The following GPHN variants were observed in gnomAD, a reference collection of about 807,000 sequenced individuals.
GPHN encodes gephyrin.
A neutral mutation model predicts 95.5 loss-of-function variants in GPHN; 17 were observed. The ratio of observed to expected loss-of-function variants is 0.18; its 90% CI spans 0.12 to 0.27. The LOEUF (loss-of-function observed/expected upper bound fraction) is 0.27. Ranked by LOEUF, GPHN falls within the 10% of genes least tolerant of loss-of-function variation. The probability of loss-of-function intolerance (pLI) is 1.00; values close to 1 mark genes in which losing one functional copy is unlikely to be tolerated. For synonymous variants in GPHN, 320 were observed against 322.5 expected (o/e 0.99, Z 0.08); for missense variants, 660 against 978.1 (o/e 0.67, Z 4.34).
intron 1 of GPHN, among the ~76,000 whole-genome samples, chr14:66,595,451 A>C (rs116108652): frequency 6.6e-6 from 1 of 151,992 alleles, no homozygotes; most frequent in Non-Finnish European, 1.5e-5. Context: ...TGTTCTGCCT[A>C]CTCTGCCTGG....
chr14:67,537,071 C>T, the GPHN span, among the ~76,000 whole-genome samples: 2 of 143,500 alleles, frequency 1.4e-5, no homozygotes, highest in Admixed American at 1.4e-4. Flanking sequence ...AAAACTTAAT[C>T]TTAGGCTGGG....
rs2064475026 is a variant in GPHN, at chr14:66,891,148, T to G, written c.389+11115T>G. 2.0e-5 allele frequency among the ~76,000 whole-genome samples: 3 copies of G among 152,066 alleles called. No individual in the cohort carries two copies. In the South Asian group the frequency reaches 6.2e-4, roughly 32 times the overall value. On this transcript the variant is annotated intron_variant, in intron 5 of 22. Coordinates refer to ENST00000478722, the MANE Select transcript of GPHN (RefSeq NM_020806.5). ...AAAGGAAGAAGTAAACCTATCTTTTTTTTTTTGACATGATTATATATGTAG... is the reference window on the plus strand; with the variant it reads ...AAAGGAAGAAGTAAACCTATCTTTTGTTTTTTGACATGATTATATATGTAG...
chr14:67,513,698 A>T, the GPHN span, among the ~76,000 whole-genome samples: 1 of 152,194 alleles, frequency 6.6e-6, no homozygotes, highest in Non-Finnish European at 1.5e-5. Context: ...TCATTCACAC[A>T]GGCAGGCGGG....
chr14:67,645,476 A>G, the GPHN span, among the ~76,000 whole-genome samples: 2 of 152,308 alleles, frequency 1.3e-5, no homozygotes, highest in East Asian at 3.9e-4. Flanking sequence ...ACTCAAGATT[A>G]ATTTTTGAGA....
chr14:67,165,053 A>G, intron 19 of GPHN, 109 bp from the exon 20 acceptor site: 2 of 765,594 alleles, frequency 2.6e-6, no homozygotes, highest in East Asian at 5.1e-5. Flanking sequence ...AGTCAACAGA[A>G]AAGTGTTTTT....
At chr14:67,031,125 T>C (rs564007321) in intron 10 of GPHN, among the ~76,000 whole-genome samples, 10 of 152,294 alleles carry the variant, frequency 6.6e-5, no homozygotes, top group African/African-American at 2.4e-4. Flanking sequence ...ACCCAGGTTC[T>C]CGACTTATTA....
At chr14:67,713,542 G>C in the GPHN span, among the ~76,000 whole-genome samples, 4 of 152,036 alleles carry the variant, frequency 2.6e-5, no homozygotes, top group Non-Finnish European at 5.9e-5. Context: ...GAGCCATAAA[G>C]TTAGCTCATG....
the GPHN span, among the ~76,000 whole-genome samples, chr14:67,717,495 G>A: frequency 6.6e-6 from 1 of 152,254 alleles, no homozygotes; most frequent in Non-Finnish European, 1.5e-5. Context: ...CTGAGTGAAA[G>A]GCATGGGATA....
chr14:67,221,855 A>C, the GPHN span: 2 of 1,604,026 alleles, frequency 1.2e-6, no homozygotes, highest in Non-Finnish European at 1.7e-6. Context: ...CCTGGTATTC[A>C]GTAGTCATCT....
chr14:67,286,881 AAC>A, the GPHN span, among the ~76,000 whole-genome samples: 1 of 151,468 alleles, frequency 6.6e-6, no homozygotes, highest in Non-Finnish European at 1.5e-5. Flanking sequence ...AAAAGAAAAA[AAC>A]TGTTCTTGAA....
At chr14:67,064,183 G>A (rs141330984) in intron 11 of GPHN, among the ~76,000 whole-genome samples, 2 of 152,180 alleles carry the variant, frequency 1.3e-5, no homozygotes, top group African/African-American at 2.4e-5. Flanking sequence ...TGCATCTATT[G>A]AGATAATCAT....
chr14:66,837,880 G>C (rs1265012695), intron 4 of GPHN, among the ~76,000 whole-genome samples: 1 of 151,680 alleles, frequency 6.6e-6, no homozygotes, highest in Non-Finnish European at 1.5e-5. Context: ...AGCTTTTATG[G>C]GGCCCTATGG....
intron 3 of GPHN, among the ~76,000 whole-genome samples, chr14:66,793,224 A>C (rs1397215467): frequency 6.6e-6 from 1 of 152,266 alleles, no homozygotes; most frequent in Non-Finnish European, 1.5e-5. Context: ...TATAGAAGAC[A>C]GTATAAGTGC....
At chr14:67,530,167 C>T in the GPHN span, among the ~76,000 whole-genome samples, 2 of 152,166 alleles carry the variant, frequency 1.3e-5, no homozygotes, top group African/African-American at 2.4e-5. Context: ...TAAACTCCAG[C>T]CAATATTTGT....
chr14:67,667,740 C>A, the GPHN span, among the ~76,000 whole-genome samples: 1 of 152,042 alleles, frequency 6.6e-6, no homozygotes. Flanking sequence ...GTCAGGAGAT[C>A]GAGACCATCC....
At chr14:67,576,005 G>T in the GPHN span, 1 of 1,607,038 alleles carries the variant, frequency 6.2e-7, no homozygotes, top group African/African-American at 1.3e-5. This position sits in a 1 kb window ranked among gnomAD's most constrained non-coding sequence, Gnocchi z 4.0. Flanking sequence ...AGCATGAAAA[G>T]GTAAGGAAGA....
At chr14:66,603,312 G>GT (rs954538157) in intron 1 of GPHN, among the ~76,000 whole-genome samples, 27 of 151,666 alleles carry the variant, frequency 1.8e-4, no homozygotes, top group African/African-American at 2.4e-5. Flanking sequence ...CATTTTCAGG[G>GT]TTTTTTTGTG....
chr14:66,806,477 C>A (rs567346740), intron 3 of GPHN, among the ~76,000 whole-genome samples: 1 of 152,256 alleles, frequency 6.6e-6, no homozygotes, highest in African/African-American at 2.4e-5. Flanking sequence ...ATTGCATTTT[C>A]TTTTCTATTG....
the GPHN span, among the ~76,000 whole-genome samples, chr14:67,225,898 T>C: frequency 1.3e-5 from 2 of 151,014 alleles, no homozygotes; most frequent in Non-Finnish European, 1.5e-5. Context: ...GTGTCTTCTG[T>C]TGCCTCCTTC....
Sources: allele counts gnomAD v4.1 joint callset (sites outside exome capture counted in the v4.1 genomes callset), GRCh38; gene constraint gnomAD v4.1.1; non-coding constraint Gnocchi (gnomAD v3.1); transcripts MANE v1.5; gene names NCBI Gene and HGNC (gene_info 2026-07-23, HGNC 2026-07-21).